The following SCARA5 variants were observed in gnomAD, a reference collection of about 807,000 sequenced individuals.
SCARA5 encodes scavenger receptor class A member 5, also known as scavenger receptor class A, member 5 (putative).
A neutral mutation model predicts 46.3 loss-of-function variants in SCARA5; 45 were observed. The observed-to-expected ratio is 0.97, with a 90% CI of 0.76 to 1.24. The LOEUF (loss-of-function observed/expected upper bound fraction) is 1.24. Among genes scored for constraint, SCARA5 ranks in the 50% most tolerant of loss-of-function variants. SCARA5 has a pLI of 0.00. For missense variants in SCARA5, 680 were observed against 689.0 expected (o/e 0.99, Z 0.15); for synonymous variants, 333 against 306.5 (o/e 1.09, Z -0.90).
At chr8:27,966,842 A>C (rs1180459881) in intron 2 of SCARA5, among the ~76,000 whole-genome samples, 1 of 152,226 alleles carries the variant, frequency 6.6e-6, no homozygotes, top group East Asian at 1.9e-4. Context: ...AAAGACCTTG[A>C]AATAGTCTTG....
chr8:27,894,388 C>G (rs1473921597), intron 7 of SCARA5, among the ~76,000 whole-genome samples: 2 of 152,202 alleles, frequency 1.3e-5, no homozygotes, highest in African/African-American at 4.8e-5. Context: ...TGCTTTTCAT[C>G]CATCTCACAA....
intron 2 of SCARA5, among the ~76,000 whole-genome samples, chr8:27,976,023 C>T (rs113108138): frequency 3.5e-4 from 53 of 152,306 alleles, no homozygotes; most frequent in African/African-American, 1.3e-3. Context: ...CCATCCATGT[C>T]CCAAGTTACT....
At chr8:27,944,644 C>G (rs1808003846) in intron 3 of SCARA5, among the ~76,000 whole-genome samples, 1 of 150,804 alleles carries the variant, frequency 6.6e-6, no homozygotes, top group Non-Finnish European at 1.5e-5. Flanking sequence ...GATGGATCAC[C>G]TGAGGTCAGG....
At chr8:27,915,633 T>A (rs569408086) in intron 4 of SCARA5, among the ~76,000 whole-genome samples, 1 of 152,204 alleles carries the variant, frequency 6.6e-6, no homozygotes, top group Admixed American at 6.5e-5. Flanking sequence ...TCTAATAGAT[T>A]GTGTTTTTTC....
intron 4 of SCARA5, among the ~76,000 whole-genome samples, chr8:27,920,148 A>G (rs1807560137): frequency 6.6e-6 from 1 of 152,000 alleles, no homozygotes; most frequent in African/African-American, 2.4e-5. Flanking sequence ...CACGAGTACA[A>G]TGGAGGCCCA....
At chr8:27,876,211 A>G (rs913619572) in intron 8 of SCARA5, among the ~76,000 whole-genome samples, 22 of 152,130 alleles carry the variant, frequency 1.4e-4, no homozygotes, top group Admixed American at 6.5e-4. Flanking sequence ...ATTTATAGTA[A>G]TTCTTCAATA....
At chr8:27,942,757 GA>G (rs936546057) in intron 3 of SCARA5, among the ~76,000 whole-genome samples, 23 of 150,364 alleles carry the variant, frequency 1.5e-4, no homozygotes, top group African/African-American at 3.9e-4. Context: ...TGGAGGGCTG[GA>G]AAAAAAAATG....
At chr8:27,952,507 G>T (rs1285806361) in intron 3 of SCARA5, among the ~76,000 whole-genome samples, 1 of 152,078 alleles carries the variant, frequency 6.6e-6, no homozygotes, top group Non-Finnish European at 1.5e-5. Flanking sequence ...GGGGACACAG[G>T]CTGCAGACCC....
Position 27,896,598 on chromosome 8 carries a change from G to A in SCARA5, c.1153+8180C>T, listed in dbSNP as rs113718537. Among the ~76,000 whole-genome samples the A allele has an allele frequency of 8.8e-3, 1,333 of 152,126 alleles. 14 individuals carry two copies. The highest frequency in any genetic ancestry group is 0.013 in the Non-Finnish European group (900 of 67,998). On this transcript the variant is annotated intron_variant, in intron 7 of 8. Coordinates refer to ENST00000354914, the MANE Select transcript of SCARA5 (RefSeq NM_173833.6). ...TGACCGGGGTGGTTGCCTCTCAATA[G>A]TGTTGAACTCAATACAACCCCTGAG...
intron 3 of SCARA5, among the ~76,000 whole-genome samples, chr8:27,935,621 AC>A (rs986021221): frequency 1.3e-5 from 2 of 152,122 alleles, no homozygotes; most frequent in African/African-American, 4.8e-5. Context: ...GAAGGCTGAG[AC>A]CCAGGGAGCG....
chr8:27,926,116 A>C (rs771819779), intron 3 of SCARA5, among the ~76,000 whole-genome samples: 1 of 152,202 alleles, frequency 6.6e-6, no homozygotes, highest in Non-Finnish European at 1.5e-5. Context: ...CCCAAAGATT[A>C]TAAATCATGC....
At chr8:27,930,652 T>A (rs1446970438) in intron 3 of SCARA5, among the ~76,000 whole-genome samples, 4 of 152,168 alleles carry the variant, frequency 2.6e-5, no homozygotes, top group Non-Finnish European at 1.5e-5. Context: ...TCCGCCCCCC[T>A]CGGCCACCCA....
Position 27,879,724 on chromosome 8 carries a change from G to C in SCARA5, c.1196C>G (p.Ser399Ter). Residue 399 changes from serine to a stop codon, truncating the protein, a stop_gained, in exon 8 of 9, where the codon TCA (serine) becomes TGA (stop). Transcript: ENST00000354914. LOFTEE classifies it high-confidence loss of function. ...APMMIRLVNGSGPHEGRVEVY... is the reference protein window; with the variant it reads ...APMMIRLVNG ...TTCCACGCGGCCCTCGTGCGGACCT[G>C]AGCCATTCACCAGGCGGATCATCAT... 6.2e-7 allele frequency: 1 copy of C among 1,613,134 alleles called. No homozygotes were observed. Among genetic ancestry groups the C allele is most frequent in the Non-Finnish European group, 8.5e-7 (1 of 1,180,020 alleles).
intron 3 of SCARA5, among the ~76,000 whole-genome samples, chr8:27,935,896 C>T (rs1318360468): frequency 4.6e-5 from 7 of 152,192 alleles, no homozygotes; most frequent in African/African-American, 1.2e-4. Context: ...TTCATTAGTA[C>T]CCAGGGAGGA....
intron 3 of SCARA5, among the ~76,000 whole-genome samples, chr8:27,951,819 C>A (rs544323782): frequency 6.6e-6 from 1 of 152,156 alleles, no homozygotes; most frequent in Non-Finnish European, 1.5e-5. Flanking sequence ...TGACTTCGAG[C>A]GAACTCGAAC....
intron 3 of SCARA5, among the ~76,000 whole-genome samples, chr8:27,964,971 C>A (rs1197885278): frequency 6.6e-6 from 1 of 152,206 alleles, no homozygotes; most frequent in African/African-American, 2.4e-5. Context: ...AAACTCAGAT[C>A]CCAAGCTCTC....
At chr8:27,901,924 C>T (rs1019706567) in intron 7 of SCARA5, among the ~76,000 whole-genome samples, 1 of 152,200 alleles carries the variant, frequency 6.6e-6, no homozygotes, top group Admixed American at 6.5e-5. Context: ...GGAAGTCCGT[C>T]CTCCCCTATG....
intron 7 of SCARA5, among the ~76,000 whole-genome samples, chr8:27,898,895 TGAACACA>T (rs67360153): frequency 0.95 from 144,982 of 152,084 alleles, 69,514 homozygotes; most frequent in South Asian, 1. Flanking sequence ...GGTGCAGTGC[TGAACACA>T]GAACACATCG....
intron 7 of SCARA5, among the ~76,000 whole-genome samples, chr8:27,881,575 C>T (rs952064352): frequency 4.6e-5 from 7 of 152,080 alleles, no homozygotes; most frequent in African/African-American, 1.7e-4. Flanking sequence ...CTGGGCACTA[C>T]GCTTACTACC....
Sources: gnomAD v4.1 joint callset for allele counts (sites outside exome capture counted in the v4.1 genomes callset) on GRCh38, gnomAD v4.1.1 for gene constraint, MANE v1.5 for transcripts, NCBI Gene and HGNC (gene_info 2026-07-23, HGNC 2026-07-21) for gene names.